TULP4: variants seen among roughly 807,000 people sequenced by gnomAD.
TULP4 encodes TUB like protein 4, also known as tubby-related protein 4.
A neutral mutation model predicts 129.0 loss-of-function variants in TULP4; 16 were observed. The observed-to-expected ratio is 0.12, with a 90% CI of 0.08 to 0.19. TULP4 has a LOEUF of 0.19. Ranked by LOEUF, TULP4 falls within the 10% of genes least tolerant of loss-of-function variation. The probability of loss-of-function intolerance (pLI) is 1.00; values close to 1 mark genes in which losing one functional copy is unlikely to be tolerated. For missense variants in TULP4, 1,842 were observed against 2,059.1 expected, an observed-to-expected ratio of 0.89 and a Z score of 2.04; for synonymous variants, 998 against 854.0, an observed-to-expected ratio of 1.17 and a Z score of -2.94.
chr6:158,401,182 T>C (rs748439337), intron 1 of TULP4, among the ~76,000 whole-genome samples: 1 of 152,118 alleles, frequency 6.6e-6, no homozygotes, highest in Admixed American at 6.5e-5. Context: ...CAAGTCATCC[T>C]CCCACCTCAG....
At chr6:158,498,617 G>T (rs1253167243) in intron 11 of TULP4, 52 bp from the exon 12 acceptor site, 2 of 1,608,022 alleles carry the variant, frequency 1.2e-6, no homozygotes, top group Admixed American at 1.7e-5. Flanking sequence ...TTGACACTTT[G>T]GCTCTGCTCT....
intron 1 of TULP4, among the ~76,000 whole-genome samples, chr6:158,246,023 G>GGTGTGTGTGTGTGTGTGTGT (rs66690741): frequency 8.2e-4 from 119 of 145,920 alleles, no homozygotes; most frequent in African/African-American, 1.0e-3. Context: ...ACCCCTTAGG[G>GGTGTGTGTGTGTGTGTGTGT]GTGTGTGTGT....
chr6:158,395,580 TAAA>T (rs764395132), intron 1 of TULP4, among the ~76,000 whole-genome samples: 7 of 110,224 alleles, frequency 6.4e-5, no homozygotes, highest in African/African-American at 1.0e-4. Context: ...AAACTCTGTC[TAAA>T]AAAAAAAAAA....
chr6:158,250,795 T>C (rs1778126705), intron 1 of TULP4, among the ~76,000 whole-genome samples: 1 of 152,212 alleles, frequency 6.6e-6, no homozygotes, highest in South Asian at 2.1e-4. Context: ...GTGATTTTAC[T>C]AATAGGGAAT....
At chr6:158,438,867 T>C (rs1432265944) in intron 3 of TULP4, among the ~76,000 whole-genome samples, 5 of 152,092 alleles carry the variant, frequency 3.3e-5, no homozygotes, top group African/African-American at 1.2e-4. Context: ...GGCCCACAGA[T>C]TTATAATGAA....
intron 1 of TULP4, chr6:158,242,042 A>G (rs2128446656): frequency 2.5e-6 from 2 of 794,242 alleles, no homozygotes; most frequent in South Asian, 1.3e-5. Context: ...ACATCTAGTA[A>G]CCCTACATCC....
intron 3 of TULP4, among the ~76,000 whole-genome samples, chr6:158,441,106 A>G (rs1451687208): frequency 3.3e-5 from 5 of 152,190 alleles, no homozygotes; most frequent in East Asian, 3.8e-4. Flanking sequence ...ACCTGAGGTC[A>G]GGAGTTCAAG....
intron 1 of TULP4, among the ~76,000 whole-genome samples, chr6:158,248,729 G>A (rs1010376832): frequency 1.3e-5 from 2 of 151,986 alleles, no homozygotes; most frequent in East Asian, 3.9e-4. Flanking sequence ...GTAACAGAGC[G>A]AGACCCAGTC....
At chr6:158,235,434 A>G (rs560638652) in intron 1 of TULP4, among the ~76,000 whole-genome samples, 35 of 152,318 alleles carry the variant, frequency 2.3e-4, no homozygotes, top group Non-Finnish European at 4.3e-4. Context: ...TTGCCCTTTC[A>G]TGACTGGCTT....
intron 2 of TULP4, among the ~76,000 whole-genome samples, chr6:158,424,809 A>G (rs1778436878): frequency 6.6e-6 from 1 of 151,766 alleles, no homozygotes; most frequent in Non-Finnish European, 1.5e-5. Flanking sequence ...GTAGATGATC[A>G]ATCAACACAT....
At chr6:158,308,655 A>C (rs1009447331), upstream of TULP4, among the ~76,000 whole-genome samples, 3 of 134,460 alleles carry the variant, frequency 2.2e-5, no homozygotes, top group African/African-American at 8.7e-5. Context: ...TCCCTCTCGG[A>C]CGGGGCGGCT....
At chr6:158,292,285 G>A (rs1314828729) in intron 1 of TULP4, among the ~76,000 whole-genome samples, 5 of 152,178 alleles carry the variant, frequency 3.3e-5, no homozygotes, top group African/African-American at 4.8e-5. Context: ...GGGGTTTCCT[G>A]GGATGTGGGA....
At chr6:158,444,674 C>T (rs537501494) in intron 3 of TULP4, among the ~76,000 whole-genome samples, 76 of 152,130 alleles carry the variant, frequency 5.0e-4, no homozygotes, top group Non-Finnish European at 8.1e-4. Context: ...CCTGTCTTCT[C>T]CTCCTTTGGT....
rs568651029 is a variant in TULP4, at chr6:158,428,690, A to G, written c.382-1046A>G. ...TGAGGGGCAATATAATCAGAAACTT[A>G]GAGCTTTACTGTTTTGGTAAGGGAC... On this transcript the variant is annotated intron_variant, in intron 2 of 13. Coordinates refer to ENST00000367097, the MANE Select transcript of TULP4 (RefSeq NM_020245.5). Among the ~76,000 whole-genome samples the G allele has an allele frequency of 2.0e-5, 3 of 152,212 alleles. No homozygotes were observed. The East Asian group carries it at 5.8e-4, about 29-fold the overall frequency.
At chr6:158,476,111 G>A (rs1779811100) in intron 6 of TULP4, among the ~76,000 whole-genome samples, 1 of 152,178 alleles carries the variant, frequency 6.6e-6, no homozygotes, top group South Asian at 2.1e-4. Context: ...TTCTAGCACA[G>A]CCTTAAAATT....
intron 1 of TULP4, among the ~76,000 whole-genome samples, chr6:158,342,169 G>A (rs1780197790): frequency 6.6e-6 from 1 of 152,214 alleles, no homozygotes; most frequent in South Asian, 2.1e-4. Context: ...GCCCATGTCG[G>A]CCTCCCAAAG....
chr6:158,242,141 A>G (rs1777933599), intron 1 of TULP4: 2 of 946,184 alleles, frequency 2.1e-6, no homozygotes, highest in Non-Finnish European at 3.5e-6. Context: ...ATCTGACCAT[A>G]AGTGATGGCC....
intron 1 of TULP4, among the ~76,000 whole-genome samples, chr6:158,355,217 A>G (rs1023082513): frequency 3.3e-5 from 5 of 151,992 alleles, no homozygotes; most frequent in African/African-American, 1.2e-4. Context: ...GACTACAGGA[A>G]TGTGTCCCAG....
intron 1 of TULP4, among the ~76,000 whole-genome samples, chr6:158,391,040 A>G (rs1777572645): frequency 6.6e-6 from 1 of 152,206 alleles, no homozygotes; most frequent in East Asian, 1.9e-4. Context: ...TTGCCACTGC[A>G]CTTCAGCCTG....
Sources: gnomAD v4.1 joint callset for allele counts (sites outside exome capture counted in the v4.1 genomes callset) on GRCh38, gnomAD v4.1.1 for gene constraint, MANE v1.5 for transcripts, NCBI Gene and HGNC (gene_info 2026-07-23, HGNC 2026-07-21) for gene names.